The following ESCO1 variants were observed in gnomAD, a reference collection of about 807,000 sequenced individuals.
The protein encoded by ESCO1 is establishment of sister chromatid cohesion N-acetyltransferase 1.
Under a neutral mutation model 83.5 loss-of-function variants are expected in ESCO1, and 33 were observed. The ratio of observed to expected loss-of-function variants is 0.40; its 90% CI spans 0.30 to 0.53. The LOEUF (loss-of-function observed/expected upper bound fraction) is 0.53, where lower values mean the gene tolerates loss of function less well. Ranked by LOEUF, ESCO1 falls within the 20% of genes least tolerant of loss-of-function variation. The pLI, the probability that ESCO1 is intolerant of heterozygous loss-of-function variation, is 0.63. For synonymous variants in ESCO1, 332 were observed against 324.3 expected, an observed-to-expected ratio of 1.02 and a Z score of -0.25; for missense variants, 855 against 968.0, an observed-to-expected ratio of 0.88 and a Z score of 1.55.
At chr18:21,586,636 T>A (rs1379716999) in intron 1 of ESCO1, among the ~76,000 whole-genome samples, 1 of 152,232 alleles carries the variant, frequency 6.6e-6, no homozygotes. Flanking sequence ...CTAATAGGTT[T>A]TTTTGTGTGA....
At chr18:21,536,528 T>C (rs1430113236) in intron 9 of ESCO1, among the ~76,000 whole-genome samples, 1 of 150,408 alleles carries the variant, frequency 6.6e-6, no homozygotes, top group African/African-American at 2.4e-5. Flanking sequence ...AAGGTGGAGG[T>C]TGCAGTGAGC....
intron 8 of ESCO1, among the ~76,000 whole-genome samples, chr18:21,555,107 C>T (rs2038096495): frequency 6.6e-6 from 1 of 151,796 alleles, no homozygotes. Flanking sequence ...AACTAACTAA[C>T]TAAATAAAGA....
intron 8 of ESCO1, chr18:21,540,459 C>CA: frequency 1.2e-6 from 1 of 829,996 alleles, no homozygotes; most frequent in Non-Finnish European, 1.5e-6. Context: ...CAAAGACCTC[C>CA]AGGAGGTTTT....
chr18:21,600,063 A>G (rs1482508447), intron 1 of ESCO1, among the ~76,000 whole-genome samples: 1 of 152,170 alleles, frequency 6.6e-6, no homozygotes, highest in Non-Finnish European at 1.5e-5. Context: ...TCCCAAACTG[A>G]AGGCTGTAAA....
intron 8 of ESCO1, among the ~76,000 whole-genome samples, chr18:21,548,901 G>C (rs544462619): frequency 6.6e-6 from 1 of 150,456 alleles, no homozygotes; most frequent in Admixed American, 6.6e-5. Context: ...TCGCACCACC[G>C]CACTTCAGCC....
At chr18:21,598,962 G>A (rs1211699838) in intron 1 of ESCO1, among the ~76,000 whole-genome samples, 1 of 151,154 alleles carries the variant, frequency 6.6e-6, no homozygotes, top group African/African-American at 2.4e-5. Flanking sequence ...CTGAATTTGC[G>A]ACTTCCAAAT....
At chr18:21,560,256 C>G (rs946664368) in intron 8 of ESCO1, among the ~76,000 whole-genome samples, 2 of 151,374 alleles carry the variant, frequency 1.3e-5, no homozygotes, top group Non-Finnish European at 2.9e-5. Context: ...TTAAATAATA[C>G]CCATTATGCC....
chr18:21,539,340 T>C (rs78251616), intron 9 of ESCO1, among the ~76,000 whole-genome samples: 3,412 of 152,288 alleles, frequency 0.022, 140 homozygotes, highest in African/African-American at 0.079. Flanking sequence ...AAGATAAGCA[T>C]ATCTACTTTG....
At chr18:21,539,297 GA>G (rs1348457469) in intron 9 of ESCO1, among the ~76,000 whole-genome samples, 1 of 151,988 alleles carries the variant, frequency 6.6e-6, no homozygotes, top group Admixed American at 6.6e-5. Flanking sequence ...TTCTGATCGT[GA>G]AATCTTTTAG....
rs1193685690 is a variant in ESCO1, at chr18:21,539,985, C to A, written c.1978G>T (p.Ala660Ser). 6.2e-7 allele frequency: 1 copy of A among 1,611,906 alleles called. No homozygotes were observed. Among genetic ancestry groups the A allele is most frequent in the African/African-American group, 1.3e-5 (1 of 74,652 alleles). ...ATTATCCTGCCATCAGGGTATTCAG[C>A]CAGAATTCTTTCTTTCTTCCAGCCC... ...YVGWKKERIL[A>S]EYPDGRIIMV... The change falls in exon 9 of 12, where the codon GCT (alanine) becomes TCT (serine). Residue 660 changes from alanine to serine, a missense_variant. This residue lies in a region of ESCO1 where 129 missense variants were observed against 268.5 expected (regional missense o/e 0.48). Transcript: ENST00000269214.
chr18:21,550,835 G>A (rs11877109), intron 8 of ESCO1, among the ~76,000 whole-genome samples: 1,734 of 152,310 alleles, frequency 0.011, 40 homozygotes, highest in African/African-American at 0.039. Flanking sequence ...CGTGTTGGCC[G>A]GGCGTGGTGG....
chr18:21,593,281 T>TG (rs1489283734), intron 1 of ESCO1: 1 of 170,312 alleles, frequency 5.9e-6, no homozygotes, highest in East Asian at 1.9e-4. Context: ...ATCACGCCAC[T>TG]GCACTCCAGC....
chr18:21,560,561 T>A (rs986463940), intron 8 of ESCO1, among the ~76,000 whole-genome samples: 5 of 152,068 alleles, frequency 3.3e-5, no homozygotes, highest in South Asian at 4.1e-4. Flanking sequence ...ATCAAAGGAA[T>A]TTTATTAAAA....
intron 1 of ESCO1, among the ~76,000 whole-genome samples, chr18:21,600,305 C>G (rs2038825377): frequency 6.6e-6 from 1 of 152,250 alleles, no homozygotes; most frequent in Non-Finnish European, 1.5e-5. Context: ...CGCGGCAGTG[C>G]TGGGAACTCC....
chr18:21,554,116 G>A (rs574279876), intron 8 of ESCO1, among the ~76,000 whole-genome samples: 86 of 152,188 alleles, frequency 5.7e-4, no homozygotes, highest in African/African-American at 1.9e-3. Flanking sequence ...TATTAGAAAG[G>A]CCAAAATCCA....
Position 21,571,748 on chromosome 18 carries a change from TC to T in ESCO1, c.1530+1565del, listed in dbSNP as rs1223454863. Among the ~76,000 whole-genome samples the T allele has an allele frequency of 2.6e-5, 4 of 152,126 alleles. No homozygotes were observed. The East Asian group carries it at 7.7e-4, about 29-fold the overall frequency. ...TCTCCAACTACATCTGGAGACACAA[TC>T]CTGAATAAAAAGCCACTACATCTCT... On this transcript the variant is annotated intron_variant, in intron 4 of 11. Transcript: ENST00000269214.
chr18:21,536,053 G>A lies in ESCO1; in HGVS notation c.2176C>T (p.His726Tyr). The change falls in exon 10 of 12, where the codon CAT becomes TAT. Residue 726 changes from histidine (H) to tyrosine (Y), a missense_variant. Coordinates refer to ENST00000269214, the MANE Select transcript of ESCO1 (RefSeq NM_052911.3). Reference protein sequence around the residue: ...KKVVGCLIAEHIQWGYRVIEE... With the variant: ...KKVVGCLIAEYIQWGYRVIEE... ...CTTTTATCACTTACCCATTGGATAT[G>A]TTCCGCAATTAGGCAGCCAACTACT... 24 of 1,613,970 alleles carry A rather than the reference G, an allele frequency of 1.5e-5. No homozygotes were observed. Among genetic ancestry groups the A allele is most frequent in the Non-Finnish European group, 1.8e-5 (21 of 1,179,960 alleles).
intron 4 of ESCO1, among the ~76,000 whole-genome samples, chr18:21,571,467 G>C (rs369862806): frequency 1.2e-4 from 19 of 152,136 alleles, no homozygotes; most frequent in Non-Finnish European, 2.4e-4. Flanking sequence ...TGGGATTAAA[G>C]GCATGAGCCA....
chr18:21,577,274 T>C (rs1330331854), intron 2 of ESCO1, among the ~76,000 whole-genome samples: 1 of 149,308 alleles, frequency 6.7e-6, no homozygotes, highest in East Asian at 2.0e-4. Flanking sequence ...GGAGAATCAC[T>C]TGAACCTGGG....
Sources: gnomAD v4.1 joint callset for allele counts (sites outside exome capture counted in the v4.1 genomes callset) on GRCh38, gnomAD v4.1.1 for gene constraint, gnomAD v4.1.1 regional missense constraint, MANE v1.5 for transcripts, NCBI Gene and HGNC (gene_info 2026-07-23, HGNC 2026-07-21) for gene names.